STXBP5L: variants seen among roughly 807,000 people sequenced by gnomAD.
The protein encoded by STXBP5L is syntaxin-binding protein 5-like.
A neutral mutation model predicts 144.5 loss-of-function variants in STXBP5L; 65 were observed. The ratio of observed to expected loss-of-function variants is 0.45; its 90% CI spans 0.37 to 0.55. The LOEUF (loss-of-function observed/expected upper bound fraction) is 0.55, where lower values mean the gene tolerates loss of function less well. STXBP5L is among the 20% of genes least tolerant of loss of function. The pLI is 0.00. For synonymous variants in STXBP5L, 505 were observed against 469.6 expected (o/e 1.08, Z -0.97); for missense variants, 1,298 against 1,405.5 (o/e 0.92, Z 1.22).
chr3:121,184,627 T>A (rs1010337701), intron 9 of STXBP5L, among the ~76,000 whole-genome samples: 1 of 152,116 alleles, frequency 6.6e-6, no homozygotes, highest in Non-Finnish European at 1.5e-5. Context: ...TGGAACCAAG[T>A]TGGAAAACAC....
At chr3:121,094,683 T>G (rs554924833) in intron 5 of STXBP5L, among the ~76,000 whole-genome samples, 2 of 152,146 alleles carry the variant, frequency 1.3e-5, no homozygotes, top group Non-Finnish European at 2.9e-5. Flanking sequence ...CGTGAGATGG[T>G]TTTCCTGAAT....
chr3:121,348,848 TTTC>T (rs1375007760), intron 20 of STXBP5L, among the ~76,000 whole-genome samples: 4 of 152,054 alleles, frequency 2.6e-5, no homozygotes, highest in Non-Finnish European at 5.9e-5. Context: ...TCTTCTCTCT[TTTC>T]TTCTTTATTA....
intron 3 of STXBP5L, among the ~76,000 whole-genome samples, chr3:121,035,553 G>A (rs562705773): frequency 5.3e-5 from 8 of 152,040 alleles, no homozygotes; most frequent in African/African-American, 1.9e-4. Flanking sequence ...TCTCGATTCT[G>A]TTCTATTGAG....
At chr3:121,271,087 C>T (rs2050721256) in intron 18 of STXBP5L, among the ~76,000 whole-genome samples, 1 of 152,186 alleles carries the variant, frequency 6.6e-6, no homozygotes, top group African/African-American at 2.4e-5. Context: ...CAAACTTTCA[C>T]CCATTACATT....
At chr3:121,372,049 G>A (rs1359835776) in intron 20 of STXBP5L, among the ~76,000 whole-genome samples, 1 of 152,218 alleles carries the variant, frequency 6.6e-6, no homozygotes, top group Admixed American at 6.5e-5. Flanking sequence ...GTGAGTGCCT[G>A]TGGGCAAAGC....
chr3:120,960,167 A>G (rs150513881), intron 3 of STXBP5L, among the ~76,000 whole-genome samples: 15,057 of 152,216 alleles, frequency 0.099, 1,153 homozygotes, highest in Admixed American at 0.2. Flanking sequence ...AATGCTCATC[A>G]TCACTGGGCA....
At chr3:121,110,059 G>A (rs527855532) in intron 5 of STXBP5L, among the ~76,000 whole-genome samples, 1 of 152,152 alleles carries the variant, frequency 6.6e-6, no homozygotes, top group African/African-American at 2.4e-5. Flanking sequence ...TTTATTTGCT[G>A]GTAGATTTTC....
At chr3:121,174,884 C>T (rs1362903367) in intron 9 of STXBP5L, among the ~76,000 whole-genome samples, 1 of 151,782 alleles carries the variant, frequency 6.6e-6, no homozygotes, top group South Asian at 2.1e-4. Flanking sequence ...AGAAGAGTAA[C>T]AAAACTGTCA....
At chr3:121,129,285 G>A (rs1237734383) in intron 7 of STXBP5L, among the ~76,000 whole-genome samples, 2 of 152,010 alleles carry the variant, frequency 1.3e-5, no homozygotes, top group Admixed American at 6.6e-5. Flanking sequence ...TCCTGAAACT[G>A]TCTTCCTCTG....
At chr3:121,353,784 A>G (rs950617672) in intron 20 of STXBP5L, among the ~76,000 whole-genome samples, 6 of 152,036 alleles carry the variant, frequency 3.9e-5, no homozygotes, top group African/African-American at 1.2e-4. Context: ...TAGGGTGTCA[A>G]TTTTAGATCT....
chr3:121,335,518 A>C (rs2044475135), intron 20 of STXBP5L, among the ~76,000 whole-genome samples: 1 of 152,054 alleles, frequency 6.6e-6, no homozygotes, highest in African/African-American at 2.4e-5. Context: ...AAAGAACAAA[A>C]CTGGAAGCAT....
intron 20 of STXBP5L, among the ~76,000 whole-genome samples, chr3:121,373,149 A>T (rs1490181586): frequency 6.6e-6 from 1 of 152,214 alleles, no homozygotes; most frequent in East Asian, 1.9e-4. Context: ...TAAGAAAACA[A>T]CAGGGACCCT....
chr3:121,071,863 A>G (rs2041825317), intron 5 of STXBP5L, among the ~76,000 whole-genome samples: 1 of 152,128 alleles, frequency 6.6e-6, no homozygotes, highest in Non-Finnish European at 1.5e-5. Flanking sequence ...GCCAAACACT[A>G]TCTCATAGGG....
rs542039806 is a variant in STXBP5L at position 121,321,310 on chromosome 3, T to C, written c.2176+2770T>C. Among the ~76,000 whole-genome samples, 3 of 152,326 alleles carry C rather than the reference T, an allele frequency of 2.0e-5. No individual in the cohort carries two copies. In the South Asian group the frequency reaches 6.2e-4, roughly 32 times the overall value. On this transcript the variant is annotated intron_variant, in intron 20 of 26. Transcript: ENST00000471454. ...TGTTAAACTATGTGAAATGCATCCT[T>C]CTGGGAAAAGTGCGAATGGAGTTTA...
rs1576370486 is a variant in STXBP5L at position 121,409,118 on chromosome 3, T to C, written c.2948+1515T>C. Reference sequence around the variant, plus strand: ...AAGGTCCAGCTTTGGAAGTCATCTATGTAAATGCATCAGTAAAAGTTATGT... The same window carrying C: ...AAGGTCCAGCTTTGGAAGTCATCTACGTAAATGCATCAGTAAAAGTTATGT... On this transcript the variant is annotated intron_variant, in intron 23 of 26. Coordinates refer to ENST00000471454, the MANE Select transcript of STXBP5L (RefSeq NM_001308330.2). Among the ~76,000 whole-genome samples, 8 of 151,998 alleles carry C rather than the reference T, an allele frequency of 5.3e-5. No homozygotes were observed. In the South Asian group the frequency reaches 1.7e-3, roughly 32 times the overall value.
At chr3:121,169,478 T>C (rs146036268) in intron 9 of STXBP5L, among the ~76,000 whole-genome samples, 173 of 151,940 alleles carry the variant, frequency 1.1e-3, no homozygotes, top group Non-Finnish European at 2.1e-3. Flanking sequence ...AGGTTCAAAA[T>C]AAAGGGATGG....
chr3:121,356,194 G>A lies in STXBP5L; in HGVS notation c.2177-22522G>A, dbSNP rs529440843. On this transcript the variant is annotated intron_variant, in intron 20 of 26. Transcript: ENST00000471454. ...GCCTGTCTGTTCTCAGAGTTCAAAC[G>A]CCGTGCTGGGAGAAACACTGCTCTC... 5.9e-5 allele frequency among the ~76,000 whole-genome samples: 9 copies of A among 152,344 alleles called. No homozygotes were observed. In the South Asian group the frequency reaches 8.3e-4, roughly 14 times the overall value.
intron 3 of STXBP5L, among the ~76,000 whole-genome samples, chr3:120,956,878 G>C (rs1317428452): frequency 1.3e-5 from 2 of 151,882 alleles, no homozygotes; most frequent in Non-Finnish European, 2.9e-5. Flanking sequence ...GTGCTTTGGT[G>C]TCATATGTAA....
At chr3:121,011,865 G>C (rs1576657306) in intron 3 of STXBP5L, among the ~76,000 whole-genome samples, 2 of 151,548 alleles carry the variant, frequency 1.3e-5, no homozygotes, top group African/African-American at 2.4e-5. Flanking sequence ...CAGTGATTTT[G>C]GTATGTTCAC....
Sources: allele counts gnomAD v4.1 joint callset (sites outside exome capture counted in the v4.1 genomes callset), GRCh38; gene constraint gnomAD v4.1.1; transcripts MANE v1.5; gene names NCBI Gene and HGNC (gene_info 2026-07-23, HGNC 2026-07-21).